Variants in RGL3 observed in about 807,000 individuals in gnomAD.
RGL3 encodes the protein ral guanine nucleotide dissociation stimulator like 3.
Under a neutral mutation model 90.6 loss-of-function variants are expected in RGL3, and 85 were observed. The ratio of observed to expected loss-of-function variants is 0.94; its 90% CI spans 0.79 to 1.12. The LOEUF (loss-of-function observed/expected upper bound fraction) is 1.12. Ranked by LOEUF, RGL3 falls within the 50% of genes most tolerant of loss-of-function variation. The pLI is 0.00. For missense variants in RGL3, 1,034 were observed against 939.2 expected (o/e 1.10, Z -1.32); for synonymous variants, 408 against 385.5 (o/e 1.06, Z -0.68).
At chr19:11,400,809 C>T (rs1248381743) in intron 13 of RGL3, among the ~76,000 whole-genome samples, 2 of 151,440 alleles carry the variant, frequency 1.3e-5, no homozygotes, top group East Asian at 3.9e-4. Context: ...GAGCCGAGAT[C>T]ACTCCACTGC....
chr19:11,416,202 A>G, intron 4 of RGL3, 54 bp from the exon 5 acceptor site: 2 of 1,025,138 alleles, frequency 2.0e-6, no homozygotes, highest in Non-Finnish European at 2.8e-6. Context: ...GACATAGAAT[A>G]TGACTCCTGG....
intron 5 of RGL3, chr19:11,411,461 T>A (rs1439316551): frequency 6.6e-6 from 1 of 150,788 alleles, no homozygotes; most frequent in East Asian, 2.0e-4. Flanking sequence ...AAAGAAAATT[T>A]AGGGCTGGGT....
At chr19:11,413,231 GA>G (rs765531257) in intron 5 of RGL3, among the ~76,000 whole-genome samples, 19,130 of 89,778 alleles carry the variant, frequency 0.21, 1,171 homozygotes, top group Non-Finnish European at 0.26. Flanking sequence ...TTTTGAAAAA[GA>G]AAAAAAAAAA....
intron 5 of RGL3, among the ~76,000 whole-genome samples, chr19:11,407,277 C>T (rs1196377328): frequency 2.0e-5 from 3 of 152,098 alleles, no homozygotes; most frequent in South Asian, 2.1e-4. Flanking sequence ...TGAGCCACCA[C>T]GCCTGGCCCT....
intron 5 of RGL3, among the ~76,000 whole-genome samples, chr19:11,409,878 G>C (rs1475541916): frequency 6.6e-6 from 1 of 152,136 alleles, no homozygotes; most frequent in Admixed American, 6.6e-5. Context: ...GTTTATTGCT[G>C]TGTAAGTTAC....
intron 5 of RGL3, among the ~76,000 whole-genome samples, chr19:11,407,510 A>G (rs1362086372): frequency 1.3e-5 from 2 of 152,024 alleles, no homozygotes; most frequent in African/African-American, 4.8e-5. Flanking sequence ...CAGAGAAGAA[A>G]ATAGAGCTTT....
intron 5 of RGL3, 78 bp downstream of exon 5, chr19:11,415,859 G>C (rs915539380): frequency 7.9e-7 from 1 of 1,260,720 alleles, no homozygotes; most frequent in Non-Finnish European, 1.1e-6. Context: ...AGCTCTGAGA[G>C]GGGAGAGAAA....
At chr19:11,407,037 G>A in intron 5 of RGL3, 173 bp from the exon 6 acceptor site, 1 of 590,228 alleles carries the variant, frequency 1.7e-6, no homozygotes, top group Non-Finnish European at 2.9e-6. Context: ...CCAAGCTGGA[G>A]TACAATGGCG....
At chr19:11,412,012 G>A (rs533996414) in intron 5 of RGL3, among the ~76,000 whole-genome samples, 11 of 152,204 alleles carry the variant, frequency 7.2e-5, no homozygotes, top group African/African-American at 2.6e-4. Flanking sequence ...GGGCGCCATG[G>A]CTCACGCCTG....
At chr19:11,402,613 G>A (rs775815121) in intron 10 of RGL3, 37 bp downstream of exon 10, 35 of 1,612,890 alleles carry the variant, frequency 2.2e-5, no homozygotes, top group Non-Finnish European at 2.3e-5. Context: ...CTCCCTGAAG[G>A]TCCCACTTGT....
intron 7 of RGL3, 57 bp from the exon 8 acceptor site, chr19:11,405,483 A>T (rs1338881999): frequency 5.0e-6 from 2 of 397,820 alleles, no homozygotes; most frequent in East Asian, 1.3e-4. Flanking sequence ...TTCATCCTGA[A>T]ACTTCTTCAT....
chr19:11,413,231 G>GAAAA (rs765531257), intron 5 of RGL3, among the ~76,000 whole-genome samples: 1 of 89,176 alleles, frequency 1.1e-5, no homozygotes, highest in Non-Finnish European at 2.1e-5. Context: ...TTTTGAAAAA[G>GAAAA]AAAAAAAAAA....
At chr19:11,406,940 C>T in intron 5 of RGL3, 76 bp from the exon 6 acceptor site, 2 of 1,431,882 alleles carry the variant, frequency 1.4e-6, no homozygotes, top group Non-Finnish European at 1.9e-6. Context: ...GAGTCCCTGT[C>T]CCTCTCTGAG....
intron 18 of RGL3, among the ~76,000 whole-genome samples, chr19:11,395,826 A>G (rs1016183806): frequency 7.9e-5 from 12 of 151,352 alleles, no homozygotes; most frequent in Admixed American, 4.0e-4. Context: ...ACGAGGCTTC[A>G]CCATGTTGGC....
At chr19:11,397,133 C>A in intron 18 of RGL3, 111 bp downstream of exon 18, 1 of 810,402 alleles carries the variant, frequency 1.2e-6, no homozygotes, top group South Asian at 1.6e-5. Context: ...CTGCCTGAAG[C>A]ACCTCACAGC....
At chr19:11,419,202 G>A in intron 1 of RGL3, 44 bp downstream of exon 1, 2 of 1,578,768 alleles carry the variant, frequency 1.3e-6, no homozygotes, top group Non-Finnish European at 1.7e-6. Context: ...CTGGACCTGC[G>A]GGTCACCAGG....
At chr19:11,403,725 A>G (rs893371133) in intron 9 of RGL3, among the ~76,000 whole-genome samples, 2 of 150,846 alleles carry the variant, frequency 1.3e-5, no homozygotes, top group Non-Finnish European at 2.9e-5. Context: ...TAGGGAGGAG[A>G]TAAACAGCAG....
chr19:11,404,992 C>G lies in RGL3; in HGVS notation c.1185+155G>C, dbSNP rs551598951. Among the ~76,000 whole-genome samples the G allele has an allele frequency of 1.1e-4, 17 of 152,174 alleles. 1 individual carries two copies. In the South Asian group the frequency reaches 3.5e-3, roughly 32 times the overall value. Reference sequence around the variant, plus strand: ...ACGCAGGAAGTAGAGGAAAGAAAAACGTGCAACCCGCCAGGGACAAGGATA... The same window carrying G: ...ACGCAGGAAGTAGAGGAAAGAAAAAGGTGCAACCCGCCAGGGACAAGGATA... On this transcript the variant is annotated intron_variant, in intron 9 of 18. Transcript: ENST00000380456.
intron 1 of RGL3, 38 bp downstream of exon 1, chr19:11,419,208 C>G: frequency 6.3e-7 from 1 of 1,583,690 alleles, no homozygotes; most frequent in East Asian, 2.5e-5. Flanking sequence ...CTGCGGGTCA[C>G]CAGGGATGCG....
Sources: gnomAD v4.1 joint callset for allele counts (sites outside exome capture counted in the v4.1 genomes callset) on GRCh38, gnomAD v4.1.1 for gene constraint, MANE v1.5 for transcripts, NCBI Gene and HGNC (gene_info 2026-07-23, HGNC 2026-07-21) for gene names.